KIRREL3: variants seen among roughly 807,000 people sequenced by gnomAD.
The protein encoded by KIRREL3 is kin of IRRE-like protein 3.
A neutral mutation model predicts 89.7 loss-of-function variants in KIRREL3; 36 were observed. The observed-to-expected ratio is 0.40, with a 90% CI of 0.31 to 0.53. The LOEUF (loss-of-function observed/expected upper bound fraction) is 0.53. Ranked by LOEUF, KIRREL3 falls within the 20% of genes least tolerant of loss-of-function variation. The pLI is 0.49. For missense variants in KIRREL3, 864 were observed against 1,056.6 expected (o/e 0.82, Z 2.53); for synonymous variants, 445 against 441.4 (o/e 1.01, Z -0.10).
rs1306922555 is a variant in KIRREL3 at position 126,459,347 on chromosome 11, C to T, written c.743-2893G>A. Among the ~76,000 whole-genome samples, 1 of 152,192 alleles carries T rather than the reference C, an allele frequency of 6.6e-6. No homozygotes were observed. Among genetic ancestry groups the T allele is most frequent in the Admixed American group, 6.5e-5 (1 of 15,280 alleles). ...CTCATCACGCCCCTGCCATGATCAG[C>T]TCACTCGTAAGGCTGCTCTCCTGCA... On this transcript the variant is annotated intron_variant, in intron 6 of 16. Transcript: ENST00000525144. This position sits in a 1 kb window ranked among gnomAD's most constrained non-coding sequence, Gnocchi z 4.8.
intron 4 of KIRREL3, among the ~76,000 whole-genome samples, chr11:126,482,630 G>A (rs1284936566): frequency 2.0e-5 from 3 of 152,240 alleles, no homozygotes; most frequent in African/African-American, 7.2e-5. Flanking sequence ...GCGATAGACG[G>A]GCAGGGGAGC....
At chr11:126,854,180 T>C (rs563391685) in intron 1 of KIRREL3, among the ~76,000 whole-genome samples, 1 of 832 alleles carries the variant, frequency 1.2e-3, no homozygotes, top group East Asian at 0.029. Flanking sequence ...TGGTTTTTTG[T>C]TTTTCTATTT....
intron 1 of KIRREL3, among the ~76,000 whole-genome samples, chr11:126,681,527 T>C (rs1275918849): frequency 6.6e-6 from 1 of 152,088 alleles, no homozygotes; most frequent in African/African-American, 2.4e-5. Flanking sequence ...TCCATTTCAG[T>C]GCATCATAGG....
chr11:126,453,892 C>A (rs765473797), intron 7 of KIRREL3, among the ~76,000 whole-genome samples: 31 of 152,296 alleles, frequency 2.0e-4, no homozygotes, highest in South Asian at 4.1e-4. Flanking sequence ...CTGCCCCTCC[C>A]AGCTCCTGCT....
Position 126,908,995 on chromosome 11 carries a change from T to C in KIRREL3, c.55+91460A>G, listed in dbSNP as rs1016839687. On this transcript the variant is annotated intron_variant, in intron 1 of 16. Transcript: ENST00000525144. The surrounding 1 kb of genome is among the most constrained non-coding windows in gnomAD (Gnocchi z 4.2). ...TGTAAACAGTTACTTAAATTTGTTA[T>C]ATTATTTAAAGTTGTTATGTTAAAT... Among the ~76,000 whole-genome samples the C allele has an allele frequency of 2.0e-5, 3 of 152,230 alleles. No individual in the cohort carries two copies. The highest frequency in any genetic ancestry group is 7.2e-5 in the African/African-American group (3 of 41,460).
At chr11:126,599,633 C>T (rs571254269) in intron 1 of KIRREL3, among the ~76,000 whole-genome samples, 9 of 152,290 alleles carry the variant, frequency 5.9e-5, no homozygotes, top group South Asian at 2.1e-4. Context: ...GCCAAGATAC[C>T]GGGTATCCCC....
intron 1 of KIRREL3, among the ~76,000 whole-genome samples, chr11:126,923,129 C>CTCTTCTTCTTCTTCT (rs1187627189): frequency 0.021 from 536 of 25,740 alleles, 113 homozygotes; most frequent in Admixed American, 0.033. Flanking sequence ...TCTCCTTCTT[C>CTCTTCTTCTTCTTCT]TCTTCTTCTT....
At chr11:126,964,544 A>G (rs1226022387) in intron 1 of KIRREL3, among the ~76,000 whole-genome samples, 3 of 152,178 alleles carry the variant, frequency 2.0e-5, no homozygotes, top group Non-Finnish European at 4.4e-5. Context: ...TCTTAGAAAC[A>G]CTACAATAAT....
At chr11:126,956,284 C>T (rs1356623383) in intron 1 of KIRREL3, among the ~76,000 whole-genome samples, 2 of 152,188 alleles carry the variant, frequency 1.3e-5, no homozygotes, top group Non-Finnish European at 2.9e-5. Flanking sequence ...AGAGACTCCG[C>T]TCAGCTCTCC....
intron 1 of KIRREL3, among the ~76,000 whole-genome samples, chr11:126,584,242 C>A (rs2134678251): frequency 6.6e-6 from 1 of 152,308 alleles, no homozygotes; most frequent in African/African-American, 2.4e-5. Context: ...AGTCTGCAGG[C>A]AGTGTGGACA....
intron 1 of KIRREL3, among the ~76,000 whole-genome samples, chr11:126,602,607 G>C (rs374467469): frequency 6.6e-6 from 1 of 152,160 alleles, no homozygotes; most frequent in African/African-American, 2.4e-5. Flanking sequence ...GAACGCCTCT[G>C]ATCTCTCCCG....
rs1400709284 is a variant in KIRREL3, at chr11:126,555,136, G to A, written c.133+7699C>T. Reference sequence around the variant, plus strand: ...CAAGAAGCTGGGTGCCGAGAGGGCAGGAGCTTGGACACTGCTGTGGGGCCG... The same window carrying A: ...CAAGAAGCTGGGTGCCGAGAGGGCAAGAGCTTGGACACTGCTGTGGGGCCG... On this transcript the variant is annotated intron_variant, in intron 2 of 16. Transcript: ENST00000525144. The surrounding 1 kb of genome is among the most constrained non-coding windows in gnomAD (Gnocchi z 4.2). 6.6e-6 allele frequency among the ~76,000 whole-genome samples: 1 copy of A among 152,194 alleles called. No homozygotes were observed. The highest frequency in any genetic ancestry group is 1.5e-5 in the Non-Finnish European group (1 of 68,030).
rs1941903847 is a variant in KIRREL3 at position 126,587,162 on chromosome 11, T to C, written c.56-24250A>G. 6.6e-6 allele frequency among the ~76,000 whole-genome samples: 1 copy of C among 152,058 alleles called. No homozygotes were observed. Among genetic ancestry groups the C allele is most frequent in the African/African-American group, 2.4e-5 (1 of 41,398 alleles). On this transcript the variant is annotated intron_variant, in intron 1 of 16. Coordinates refer to ENST00000525144, the MANE Select transcript of KIRREL3 (RefSeq NM_032531.4). This position sits in a 1 kb window ranked among gnomAD's most constrained non-coding sequence, Gnocchi z 5.2. ...TGTAGGGAGAGCCACTCACCAGACA[T>C]GGCAGTTCTTGGAAAATGTCCACTG... is the stretch of plus-strand genomic sequence containing the variant.
chr11:126,841,122 A>G (rs944322178), intron 1 of KIRREL3, among the ~76,000 whole-genome samples: 1 of 152,198 alleles, frequency 6.6e-6, no homozygotes, highest in Non-Finnish European at 1.5e-5. Flanking sequence ...CATAGTGTAT[A>G]TAGGGTTTGG....
rs545058125 is a variant in KIRREL3 at position 126,704,851 on chromosome 11, G to A, written c.56-141939C>T. ...AGGAAGATACTGGGATTCTCAATAGGCCATCACCCAAGGGAAGCAGTATTC... is the reference window on the plus strand; with the variant it reads ...AGGAAGATACTGGGATTCTCAATAGACCATCACCCAAGGGAAGCAGTATTC... On this transcript the variant is annotated intron_variant, in intron 1 of 16. Coordinates refer to ENST00000525144, the MANE Select transcript of KIRREL3 (RefSeq NM_032531.4). The surrounding 1 kb of genome is among the most constrained non-coding windows in gnomAD (Gnocchi z 4.2). 3.2e-4 allele frequency among the ~76,000 whole-genome samples: 48 copies of A among 152,288 alleles called. No individual in the cohort carries two copies. Among genetic ancestry groups the A allele is most frequent in the Non-Finnish European group, 6.2e-4 (42 of 68,024 alleles).
intron 1 of KIRREL3, among the ~76,000 whole-genome samples, chr11:126,947,592 G>A (rs1243072241): frequency 6.6e-6 from 1 of 152,138 alleles, no homozygotes; most frequent in Non-Finnish European, 1.5e-5. Context: ...ATGTGCACAC[G>A]GAACATATAA....
chr11:126,744,255 G>A lies in KIRREL3; in HGVS notation c.56-181343C>T, dbSNP rs375653046. Among the ~76,000 whole-genome samples the A allele has an allele frequency of 6.8e-6, 1 of 147,848 alleles. No individual in the cohort carries two copies. The highest frequency in any genetic ancestry group is 2.5e-5 in the African/African-American group (1 of 40,288). ...AACACACAACTTTTTTTTTTTTTAT[G>A]GGTGGAAAGCCTTTGATAAGCATTT... On this transcript the variant is annotated intron_variant, in intron 1 of 16. Transcript: ENST00000525144. The surrounding 1 kb of genome is among the most constrained non-coding windows in gnomAD (Gnocchi z 4.7).
rs964018469 is a variant in KIRREL3 at position 126,528,881 on chromosome 11, C to T, written c.134-2194G>A. Among the ~76,000 whole-genome samples, 1 of 151,688 alleles carries T rather than the reference C, an allele frequency of 6.6e-6. No individual in the cohort carries two copies. The highest frequency in any genetic ancestry group is 2.4e-5 in the African/African-American group (1 of 41,236). ...AGGGAGGGGGTGGGTGGAAAGGACT[C>T]CTTCTCTGGCTCCTTTTACTCTAAT... On this transcript the variant is annotated intron_variant, in intron 2 of 16. Coordinates refer to ENST00000525144, the MANE Select transcript of KIRREL3 (RefSeq NM_032531.4). This position sits in a 1 kb window ranked among gnomAD's most constrained non-coding sequence, Gnocchi z 4.6.
intron 1 of KIRREL3, among the ~76,000 whole-genome samples, chr11:126,835,609 T>C (rs1943752972): frequency 6.6e-6 from 1 of 152,166 alleles, no homozygotes; most frequent in Non-Finnish European, 1.5e-5. Context: ...TATAATATCA[T>C]CAGTGTGAAC....
Sources: gnomAD v4.1 joint callset for allele counts (sites outside exome capture counted in the v4.1 genomes callset) on GRCh38, gnomAD v4.1.1 for gene constraint, Gnocchi (gnomAD v3.1) non-coding constraint, MANE v1.5 for transcripts, NCBI Gene and HGNC (gene_info 2026-07-23, HGNC 2026-07-21) for gene names.